The following EYS variants were observed in gnomAD, a reference collection of about 807,000 sequenced individuals.
EYS encodes EGF-like photoreceptor maintenance factor.
EYS carries 250 observed loss-of-function variants against 282.1 expected under a neutral mutation model. The observed-to-expected ratio is 0.89, with a 90% CI of 0.80 to 0.98. EYS has a LOEUF of 0.98. Among genes scored for constraint, EYS ranks in the 50% least tolerant of loss-of-function variants. The probability of loss-of-function intolerance (pLI) is 0.00; values close to 1 mark genes in which losing one functional copy is unlikely to be tolerated. For missense variants in EYS, 4,016 were observed against 3,709.0 expected (o/e 1.08, Z -2.15); for synonymous variants, 1,355 against 1,282.9 (o/e 1.06, Z -1.20).
chr6:64,236,063 A>G (rs1766596135), intron 30 of EYS, among the ~76,000 whole-genome samples: 1 of 152,232 alleles, frequency 6.6e-6, no homozygotes, highest in Non-Finnish European at 1.5e-5. Flanking sequence ...ACATTGATGC[A>G]AAAATCCTCA....
chr6:65,087,781 A>G (rs1774426931), intron 12 of EYS, among the ~76,000 whole-genome samples: 1 of 152,128 alleles, frequency 6.6e-6, no homozygotes, highest in South Asian at 2.1e-4. Flanking sequence ...CACATTCTTC[A>G]TATTCTATCA....
intron 32 of EYS, among the ~76,000 whole-genome samples, chr6:64,071,120 C>G (rs1278639801): frequency 6.6e-6 from 1 of 152,082 alleles, no homozygotes; most frequent in Non-Finnish European, 1.5e-5. Context: ...CCTGGGTTAT[C>G]TGTTCCCCCT....
chr6:63,840,397 A>G (rs1771926521), intron 36 of EYS, among the ~76,000 whole-genome samples: 1 of 151,790 alleles, frequency 6.6e-6, no homozygotes, highest in South Asian at 2.1e-4. Flanking sequence ...TTGTTTTGCT[A>G]TTGAGTTGCT....
chr6:64,164,721 G>A (rs962678497), intron 31 of EYS, among the ~76,000 whole-genome samples: 7 of 152,018 alleles, frequency 4.6e-5, no homozygotes, highest in African/African-American at 1.7e-4. Flanking sequence ...CTTTTGCCGA[G>A]GACCTCACTT....
intron 31 of EYS, among the ~76,000 whole-genome samples, chr6:64,228,549 A>G (rs1248661050): frequency 6.6e-6 from 1 of 152,208 alleles, no homozygotes; most frequent in Non-Finnish European, 1.5e-5. Flanking sequence ...CTTTTAAAAA[A>G]GAAATACTCT....
chr6:64,655,895 C>T (rs997023960), intron 22 of EYS, among the ~76,000 whole-genome samples: 1 of 152,038 alleles, frequency 6.6e-6, no homozygotes, highest in Admixed American at 6.6e-5. Flanking sequence ...TGTTTCTTAA[C>T]TGTTTTATGA....
intron 2 of EYS, among the ~76,000 whole-genome samples, chr6:65,597,026 G>A (rs1177529360): frequency 1.3e-5 from 2 of 152,000 alleles, no homozygotes; most frequent in African/African-American, 4.8e-5. Context: ...ATTCACAAAG[G>A]ATCAGAAGTT....
intron 15 of EYS, among the ~76,000 whole-genome samples, chr6:64,930,860 A>G (rs1768697664): frequency 6.6e-6 from 1 of 152,192 alleles, no homozygotes; most frequent in Non-Finnish European, 1.5e-5. Flanking sequence ...AACATGCTCC[A>G]GAGTGTGGCA....
chr6:65,524,833 C>T (rs1285102912), intron 2 of EYS, among the ~76,000 whole-genome samples: 4 of 152,194 alleles, frequency 2.6e-5, no homozygotes, highest in Non-Finnish European at 5.9e-5. Context: ...CAAAATGCTG[C>T]CTCTTTTATG....
intron 30 of EYS, among the ~76,000 whole-genome samples, chr6:64,296,598 ATTTTTTTTTTTTT>A (rs1173183488): frequency 5.0e-5 from 1 of 20,134 alleles, no homozygotes; most frequent in African/African-American, 1.6e-4. Context: ...ATATATATAT[ATTTTTTTTTTTTT>A]TTTTTTTTTT....
chr6:63,970,256 T>G (rs1005882474), intron 35 of EYS, among the ~76,000 whole-genome samples: 2 of 152,200 alleles, frequency 1.3e-5, no homozygotes, highest in Non-Finnish European at 2.9e-5. Flanking sequence ...ATTACACTCC[T>G]AGTGAAGGCC....
At chr6:64,743,507 T>C (rs1249106428) in intron 22 of EYS, among the ~76,000 whole-genome samples, 1 of 152,156 alleles carries the variant, frequency 6.6e-6, no homozygotes, top group Non-Finnish European at 1.5e-5. Context: ...TTCTTAACTA[T>C]TGATATTTTT....
chr6:64,356,540 C>T (rs888318827), intron 29 of EYS, among the ~76,000 whole-genome samples: 2 of 151,532 alleles, frequency 1.3e-5, no homozygotes, highest in African/African-American at 2.4e-5. Flanking sequence ...TCAAAATAAT[C>T]TAAATCAATA....
At chr6:63,959,194 G>T (rs933757667) in intron 35 of EYS, among the ~76,000 whole-genome samples, 11 of 152,124 alleles carry the variant, frequency 7.2e-5, no homozygotes, top group African/African-American at 2.2e-4. Flanking sequence ...CCATCAAAAA[G>T]TGGGCAAAGG....
At chr6:64,422,499 T>G (rs1389145735) in intron 28 of EYS, among the ~76,000 whole-genome samples, 2 of 152,224 alleles carry the variant, frequency 1.3e-5, no homozygotes, top group African/African-American at 4.8e-5. Context: ...CTTATGGTAC[T>G]TGGTCAATTG....
chr6:65,177,796 A>G (rs17578460), intron 12 of EYS, among the ~76,000 whole-genome samples: 5,270 of 151,812 alleles, frequency 0.035, 146 homozygotes, highest in Middle Eastern at 0.072. Flanking sequence ...ATTTCCATGA[A>G]GAGTAATTAG....
chr6:64,181,182 T>C (rs555306002), intron 31 of EYS, among the ~76,000 whole-genome samples: 19 of 152,234 alleles, frequency 1.2e-4, no homozygotes, highest in African/African-American at 4.6e-4. Context: ...ACATGGTAAA[T>C]TGACCATAAT....
chr6:65,445,948 A>G (rs891785423), intron 5 of EYS, among the ~76,000 whole-genome samples: 7 of 151,914 alleles, frequency 4.6e-5, no homozygotes, highest in Admixed American at 3.9e-4. Context: ...ATTCATGTTT[A>G]CTACTCATAA....
chr6:64,300,741 C>A (rs577306904), intron 30 of EYS, among the ~76,000 whole-genome samples: 2 of 152,154 alleles, frequency 1.3e-5, no homozygotes, highest in Non-Finnish European at 2.9e-5. Context: ...TTCCCTCCAC[C>A]GCAGTGATTC....
Sources: gnomAD v4.1 joint callset for allele counts (sites outside exome capture counted in the v4.1 genomes callset) on GRCh38, gnomAD v4.1.1 for gene constraint, MANE v1.5 for transcripts, NCBI Gene and HGNC (gene_info 2026-07-23, HGNC 2026-07-21) for gene names.